Variants in MGAT4C observed in about 807,000 individuals in gnomAD.
The protein encoded by MGAT4C is alpha-1,3-mannosyl-glycoprotein 4-beta-N-acetylglucosaminyltransferase C.
Under a neutral mutation model 40.1 loss-of-function variants are expected in MGAT4C, and 19 were observed. The observed-to-expected ratio is 0.47, with a 90% CI of 0.33 to 0.70. The LOEUF (loss-of-function observed/expected upper bound fraction) is 0.70, where lower values mean the gene tolerates loss of function less well. Ranked by LOEUF, MGAT4C falls within the 30% of genes least tolerant of loss-of-function variation. The pLI is 0.02. For synonymous variants in MGAT4C, 181 were observed against 187.1 expected (o/e 0.97, Z 0.27); for missense variants, 491 against 563.2 (o/e 0.87, Z 1.30).
At chr12:86,021,647 A>G (rs61931084) in intron 2 of MGAT4C, among the ~76,000 whole-genome samples, 23,787 of 150,648 alleles carry the variant, frequency 0.16, 2,224 homozygotes, top group African/African-American at 0.26. Flanking sequence ...TAAATGAAGA[A>G]TTAATGTGTG....
chr12:86,443,582 T>G (rs1004373193), intron 2 of MGAT4C, among the ~76,000 whole-genome samples: 1 of 152,042 alleles, frequency 6.6e-6, no homozygotes, highest in Non-Finnish European at 1.5e-5. Flanking sequence ...AAACTGTTTT[T>G]TTTTTGTTGT....
At chr12:86,109,293 G>T (rs60104257) in intron 1 of MGAT4C, among the ~76,000 whole-genome samples, 4,477 of 152,128 alleles carry the variant, frequency 0.029, 276 homozygotes, top group East Asian at 0.28. Flanking sequence ...AGTTTCCAGA[G>T]AAACTGATAT....
At chr12:86,537,599 CT>C (rs1959097395) in intron 2 of MGAT4C, among the ~76,000 whole-genome samples, 1 of 152,116 alleles carries the variant, frequency 6.6e-6, no homozygotes, top group African/African-American at 2.4e-5. Context: ...TCATTTCTCA[CT>C]TGATTGTCCT....
At chr12:86,288,318 T>C (rs561221241) in intron 4 of MGAT4C, among the ~76,000 whole-genome samples, 31 of 152,310 alleles carry the variant, frequency 2.0e-4, no homozygotes, top group Non-Finnish European at 3.7e-4. Context: ...CTGATGATAG[T>C]TTCTTTTGCT....
intron 1 of MGAT4C, among the ~76,000 whole-genome samples, chr12:86,120,268 A>G (rs1879158032): frequency 6.6e-6 from 1 of 152,002 alleles, no homozygotes. Flanking sequence ...GTACATGTGC[A>G]CAATGGGCAG....
intron 2 of MGAT4C, among the ~76,000 whole-genome samples, chr12:86,462,475 A>G (rs1469636788): frequency 6.6e-6 from 1 of 152,210 alleles, no homozygotes; most frequent in Non-Finnish European, 1.5e-5. Flanking sequence ...CCTTTGTATT[A>G]GTCATGGTTC....
chr12:86,407,448 T>G (rs1359031442), intron 3 of MGAT4C, among the ~76,000 whole-genome samples: 4 of 152,072 alleles, frequency 2.6e-5, no homozygotes, highest in Admixed American at 6.6e-5. Context: ...ATCATTCTTA[T>G]TCTAAAAACA....
At chr12:86,310,174 A>G (rs1409266721) in intron 4 of MGAT4C, among the ~76,000 whole-genome samples, 2 of 151,184 alleles carry the variant, frequency 1.3e-5, no homozygotes, top group South Asian at 4.2e-4. Flanking sequence ...TTTTTGCCTG[A>G]GGTCAGGCAG....
intron 3 of MGAT4C, among the ~76,000 whole-genome samples, chr12:86,371,473 TTCAGGGAGAATC>T (rs1955713367): frequency 6.6e-6 from 1 of 152,034 alleles, no homozygotes; most frequent in Admixed American, 6.6e-5. Flanking sequence ...TTCCACTGCC[TTCAGGGAGAATC>T]TCAAAACCCT....
At chr12:86,611,043 A>T (rs564381930) in intron 2 of MGAT4C, among the ~76,000 whole-genome samples, 1 of 152,132 alleles carries the variant, frequency 6.6e-6, no homozygotes, top group South Asian at 2.1e-4. Context: ...GACAACCAGA[A>T]GGTGTATAGT....
At chr12:86,428,343 T>C (rs2136265671) in intron 3 of MGAT4C, among the ~76,000 whole-genome samples, 2 of 152,266 alleles carry the variant, frequency 1.3e-5, no homozygotes, top group African/African-American at 4.8e-5. Flanking sequence ...TTCTTAACCA[T>C]GTATCTACAG....
At chr12:86,035,341 CT>C (rs1249798899) in intron 2 of MGAT4C, among the ~76,000 whole-genome samples, 1 of 150,232 alleles carries the variant, frequency 6.7e-6, no homozygotes, top group Admixed American at 6.7e-5. Context: ...TGATGATGAA[CT>C]TTTTTTCATG....
intron 3 of MGAT4C, among the ~76,000 whole-genome samples, chr12:86,420,883 A>G (rs1956812750): frequency 6.6e-6 from 1 of 150,436 alleles, no homozygotes; most frequent in African/African-American, 2.4e-5. Flanking sequence ...ACATACATGT[A>G]TATGTGTATA....
chr12:86,489,168 C>T (rs547200600), intron 2 of MGAT4C, among the ~76,000 whole-genome samples: 1 of 152,248 alleles, frequency 6.6e-6, no homozygotes, highest in South Asian at 2.1e-4. Context: ...GGAGAAGCGA[C>T]TTAACTTCAG....
chr12:86,582,726 T>C (rs1269698046), intron 2 of MGAT4C, among the ~76,000 whole-genome samples: 1 of 151,262 alleles, frequency 6.6e-6, no homozygotes, highest in Non-Finnish European at 1.5e-5. Flanking sequence ...TGATATTGAA[T>C]AGGCTGGTTC....
intron 1 of MGAT4C, among the ~76,000 whole-genome samples, chr12:86,255,884 C>A (rs935034629): frequency 6.6e-6 from 1 of 152,090 alleles, no homozygotes; most frequent in Non-Finnish European, 1.5e-5. Flanking sequence ...TACCACTATT[C>A]TTTAATACTA....
At chr12:86,363,182 A>G (rs1955520240) in intron 3 of MGAT4C, among the ~76,000 whole-genome samples, 1 of 152,106 alleles carries the variant, frequency 6.6e-6, no homozygotes. Context: ...AAACAACTTA[A>G]AATTATACCC....
At chr12:86,425,601 A>G (rs1592831471) in intron 3 of MGAT4C, among the ~76,000 whole-genome samples, 1 of 152,310 alleles carries the variant, frequency 6.6e-6, no homozygotes, top group Non-Finnish European at 1.5e-5. Flanking sequence ...ACTGTTATAC[A>G]TATTATACCT....
intron 1 of MGAT4C, among the ~76,000 whole-genome samples, chr12:86,205,146 T>C (rs1950203836): frequency 6.6e-6 from 1 of 151,926 alleles, no homozygotes; most frequent in Non-Finnish European, 1.5e-5. Context: ...AGCAGAAAGT[T>C]AGAAAACTCA....
Sources: allele counts gnomAD v4.1 joint callset (sites outside exome capture counted in the v4.1 genomes callset), GRCh38; gene constraint gnomAD v4.1.1; transcripts MANE v1.5; gene names NCBI Gene and HGNC (gene_info 2026-07-23, HGNC 2026-07-21).